The following IL5RA variants were observed in gnomAD, a reference collection of about 807,000 sequenced individuals.
IL5RA encodes the protein interleukin-5 receptor subunit alpha.
IL5RA carries 49 observed loss-of-function variants against 50.0 expected under a neutral mutation model. That is an observed-to-expected ratio of 0.98 (90% confidence interval 0.78 to 1.24). The LOEUF (loss-of-function observed/expected upper bound fraction) is 1.24, where lower values mean the gene tolerates loss of function less well. Ranked by LOEUF, IL5RA falls within the 50% of genes most tolerant of loss-of-function variation. The pLI, the probability that IL5RA is intolerant of heterozygous loss-of-function variation, is 0.00. For missense variants in IL5RA, 600 were observed against 500.4 expected (o/e 1.20, Z -1.90); for synonymous variants, 202 against 174.0 (o/e 1.16, Z -1.26).
At position 3,092,462 on chromosome 3, in the gene IL5RA, G is replaced by T; in HGVS notation, c.856-100C>A. On this transcript the variant is annotated intron_variant, in intron 8 of 11. Coordinates refer to ENST00000446632, the MANE Select transcript of IL5RA (RefSeq NM_175726.4). This position sits in a 1 kb window ranked among gnomAD's most constrained non-coding sequence, Gnocchi z 4.2. The stretch of plus-strand genomic sequence containing the variant: ...TCCTATATAGGTCATGTGACTCACT[G>T]TTCAGCAAGTCCTTTAAAATCAACA... 9.4e-7 allele frequency: 1 copy of T among 1,068,134 alleles called. No homozygotes were observed. Among genetic ancestry groups the T allele is most frequent in the Non-Finnish European group, 1.4e-6 (1 of 724,486 alleles). 66.2% of individuals were successfully genotyped at this position (1,068,134 alleles called of 1,614,324 possible). A position where few individuals can be genotyped will look rare whatever the true frequency, so the allele number is the denominator to read the frequency against.
Position 3,070,271 on chromosome 3 carries a change from T to C in IL5RA, c.1217A>G (p.Tyr406Cys), listed in dbSNP as rs762815179. ...SSETEIEVIC[Y>C]IEKPGVETLE... The stretch of plus-strand genomic sequence containing the variant: ...GGTCTCAACTCCAGGCTTCTCTATA[T>C]AACAGATGACTTCAATTTCCGTCTC... Residue 406 changes from tyrosine to cysteine, a missense_variant, in exon 12 of 12, where the codon TAT (tyrosine) becomes TGT (cysteine). Transcript: ENST00000446632. The C allele has an allele frequency of 6.2e-6, 10 of 1,613,652 alleles. No homozygotes were observed. The East Asian group carries it at 2.0e-4, about 32-fold the overall frequency.
chr3:3,069,049 A>C lies in IL5RA; in HGVS notation c.*1176T>G, dbSNP rs995000013. The stretch of plus-strand genomic sequence containing the variant: ...AAAACTGACTAAAACACCTCCAGAA[A>C]GCATTTAAAGAGTGTGCCAGGTGGG... On this transcript the variant is annotated 3_prime_UTR_variant, in exon 12 of 12. Transcript: ENST00000446632. 1 of 152,218 alleles carries C rather than the reference A, an allele frequency of 6.6e-6. No individual in the cohort carries two copies. Among genetic ancestry groups the C allele is most frequent in the African/African-American group, 2.4e-5 (1 of 41,450 alleles). 9.4% of individuals were successfully genotyped at this position (152,218 alleles called of 1,614,324 possible).
chr3:3,093,549 G>A (rs1033214555), intron 8 of IL5RA, among the ~76,000 whole-genome samples: 8 of 152,224 alleles, frequency 5.3e-5, no homozygotes, highest in South Asian at 2.1e-4. Context: ...AAAAACACAC[G>A]CACACACACG....
intron 11 of IL5RA, among the ~76,000 whole-genome samples, chr3:3,071,118 C>T (rs17882303): frequency 0.021 from 3,217 of 152,240 alleles, 112 homozygotes; most frequent in African/African-American, 0.073. Flanking sequence ...AGATCCTATT[C>T]CTTTATCTCA....
At chr3:3,070,859 G>T (rs1286290276) in intron 11 of IL5RA, among the ~76,000 whole-genome samples, 2 of 152,072 alleles carry the variant, frequency 1.3e-5, no homozygotes, top group African/African-American at 2.4e-5. Flanking sequence ...GGGATTACAG[G>T]CATGAGCCAC....
chr3:3,076,967 C>G (rs779009775), intron 9 of IL5RA, among the ~76,000 whole-genome samples: 3 of 152,070 alleles, frequency 2.0e-5, no homozygotes, highest in African/African-American at 7.2e-5. Context: ...GTTTTTGGTA[C>G]GTAGTAAGGT....
chr3:3,082,739 G>A (rs1256632155), intron 9 of IL5RA, among the ~76,000 whole-genome samples: 7 of 152,202 alleles, frequency 4.6e-5, no homozygotes, highest in African/African-American at 1.4e-4. Flanking sequence ...GCCTCTGGGA[G>A]CTTTGTCAAG....
intron 9 of IL5RA, among the ~76,000 whole-genome samples, chr3:3,082,483 G>A (rs909595284): frequency 1.2e-4 from 19 of 152,276 alleles, no homozygotes; most frequent in African/African-American, 4.3e-4. Context: ...TTGATTCCTG[G>A]GTGCTTTTTA....
rs146918848 is a variant in IL5RA, at chr3:3,070,292, G to T, written c.1196C>A (p.Thr399Lys). Reference protein sequence around the residue: ...TNYEKAGSSETEIEVICYIEK... With the variant: ...TNYEKAGSSEKEIEVICYIEK... The stretch of plus-strand genomic sequence containing the variant: ...TATATAACAGATGACTTCAATTTCC[G>T]TCTCACTGGACCCAGCTTTCTGCAA... The change falls in exon 12 of 12, where the codon ACG becomes AAG. Residue 399 changes from threonine to lysine, a missense_variant. By Grantham distance (78) the Thr-to-Lys change is moderately conservative (BLOSUM62 -1). Coordinates refer to ENST00000446632, the MANE Select transcript of IL5RA (RefSeq NM_175726.4). The T allele has an allele frequency of 6.2e-7, 1 of 1,612,064 alleles. No homozygotes were observed. The highest frequency in any genetic ancestry group is 1.7e-5 in the Admixed American group (1 of 59,898).
intron 9 of IL5RA, among the ~76,000 whole-genome samples, chr3:3,083,720 GTCA>G (rs1310488772): frequency 6.6e-6 from 1 of 152,222 alleles, no homozygotes; most frequent in Non-Finnish European, 1.5e-5. Context: ...AGAGGATGTA[GTCA>G]TCACATAGAA....
In IL5RA at chr3:3,104,949, C is replaced by G. The variant is rs1022045648; in HGVS notation, c.36G>C (p.Leu12Phe). The G allele has an allele frequency of 6.2e-7, 1 of 1,612,958 alleles. No homozygotes were observed. The highest frequency in any genetic ancestry group is 8.5e-7 in the Non-Finnish European group (1 of 1,179,268). The change falls in exon 3 of 12, where the codon TTG (leucine) becomes TTC (phenylalanine). Residue 12 changes from leucine (L) to phenylalanine (F), a missense_variant. Coordinates refer to ENST00000446632, the MANE Select transcript of IL5RA (RefSeq NM_175726.4). ...IIVAHVLLIL[L>F]GATEILQADL... is the part of the protein sequence containing the mutation. ...CAGCTTGCAGTATCTCAGTGGCCCC[C>G]AAAAGGATGAGTAATACATGCGCCA...
rs968009194 is a variant in IL5RA at position 3,108,585 on chromosome 3, T to G, written c.-39A>C. On this transcript the variant is annotated 5_prime_UTR_variant, in exon 2 of 12. The change abolishes the stop of an existing upstream ORF in the 5' untranslated region. Transcript: ENST00000446632. ...ACGATCCTCTTGTTCCGACCAGTAC[T>G]CAACAGAAGATGGCGAGGACCGTGT... The G allele has an allele frequency of 2.0e-5, 3 of 152,268 alleles. No individual in the cohort carries two copies. The highest frequency in any genetic ancestry group is 6.5e-5 in the Admixed American group (1 of 15,278). The allele number at this position is 152,268 out of a possible 1,614,324, so 9.4% of individuals were successfully genotyped here.
chr3:3,071,595 G>A (rs1463713101), intron 11 of IL5RA, among the ~76,000 whole-genome samples: 30 of 100,518 alleles, frequency 3.0e-4, no homozygotes, highest in African/African-American at 6.9e-4. Context: ...GTGTGTGTGT[G>A]TATTTTTTTT....
intron 5 of IL5RA, 143 bp downstream of exon 5, chr3:3,101,549 G>T: frequency 1.4e-6 from 1 of 704,448 alleles, no homozygotes; most frequent in Middle Eastern, 3.8e-4. Context: ...CAGCAGCCTT[G>T]GTTAGGATGT....
intron 9 of IL5RA, among the ~76,000 whole-genome samples, chr3:3,081,929 C>G (rs548317178): frequency 6.6e-6 from 1 of 152,126 alleles, no homozygotes; most frequent in African/African-American, 2.4e-5. Context: ...CAGAACTAAC[C>G]CCTGAAAACA....
At chr3:3,083,258 C>T (rs939113836) in intron 9 of IL5RA, among the ~76,000 whole-genome samples, 7 of 152,026 alleles carry the variant, frequency 4.6e-5, no homozygotes, top group African/African-American at 1.2e-4. Flanking sequence ...GTGGGAGGTA[C>T]CTGGTTTAGA....
At chr3:3,080,563 C>T (rs1311984804) in intron 9 of IL5RA, among the ~76,000 whole-genome samples, 1 of 152,166 alleles carries the variant, frequency 6.6e-6, no homozygotes, top group Non-Finnish European at 1.5e-5. Flanking sequence ...TTTGTATCCC[C>T]GTTTCTGATA....
At chr3:3,088,560 G>A (rs150200917) in intron 9 of IL5RA, among the ~76,000 whole-genome samples, 1 of 152,188 alleles carries the variant, frequency 6.6e-6, no homozygotes, top group Non-Finnish European at 1.5e-5. Flanking sequence ...TGTTGGCAGA[G>A]CCGTAGCTAA....
At chr3:3,106,297 G>A (rs17879755) in intron 2 of IL5RA, among the ~76,000 whole-genome samples, 4,185 of 152,092 alleles carry the variant, frequency 0.028, 202 homozygotes, top group African/African-American at 0.094. Flanking sequence ...AGAGACCTGG[G>A]CTAAATGAAT....
Sources: allele counts gnomAD v4.1 joint callset (sites outside exome capture counted in the v4.1 genomes callset), GRCh38; gene constraint gnomAD v4.1.1; non-coding constraint Gnocchi (gnomAD v3.1); transcripts MANE v1.5; gene names NCBI Gene and HGNC (gene_info 2026-07-23, HGNC 2026-07-21).